CDYL2: variants seen among roughly 807,000 people sequenced by gnomAD.
CDYL2 encodes chromodomain Y like 2, also known as chromodomain Y-like protein 2.
A neutral mutation model predicts 49.4 loss-of-function variants in CDYL2; 23 were observed. That is an observed-to-expected ratio of 0.47 (90% confidence interval 0.34 to 0.66). The LOEUF is 0.66. CDYL2 is among the 30% of genes least tolerant of loss of function. CDYL2 has a pLI of 0.01. For missense variants in CDYL2, 678 were observed against 656.4 expected, an observed-to-expected ratio of 1.03 and a Z score of -0.36; for synonymous variants, 360 against 268.8, an observed-to-expected ratio of 1.34 and a Z score of -3.32.
intron 1 of CDYL2, among the ~76,000 whole-genome samples, chr16:80,779,364 G>A (rs949952956): frequency 7.3e-5 from 11 of 151,204 alleles, no homozygotes; most frequent in Admixed American, 2.6e-4. Context: ...TAAATAATAC[G>A]AGTAGTGCTG....
chr16:80,636,507 G>A (rs28815288), intron 2 of CDYL2, among the ~76,000 whole-genome samples: 9,043 of 152,202 alleles, frequency 0.059, 827 homozygotes, highest in African/African-American at 0.2. Context: ...ACAATGAGAT[G>A]CCATCTCACG....
chr16:80,707,588 A>C (rs960118711), intron 1 of CDYL2, among the ~76,000 whole-genome samples: 5 of 152,212 alleles, frequency 3.3e-5, no homozygotes, highest in African/African-American at 1.2e-4. Context: ...CAGAGCATCA[A>C]ATGGGTCAGA....
intron 1 of CDYL2, among the ~76,000 whole-genome samples, chr16:80,795,895 A>G (rs1295586191): frequency 2.6e-5 from 4 of 152,262 alleles, no homozygotes; most frequent in African/African-American, 9.6e-5. Flanking sequence ...AGACTGAAAC[A>G]GAAGAAGAGT....
chr16:80,629,534 C>A (rs991556831), intron 3 of CDYL2, among the ~76,000 whole-genome samples: 1 of 152,146 alleles, frequency 6.6e-6, no homozygotes, highest in Non-Finnish European at 1.5e-5. Flanking sequence ...GGAGTCTTCT[C>A]CCAATGGGGA....
chr16:80,785,829 C>A (rs1196416950), intron 1 of CDYL2, among the ~76,000 whole-genome samples: 2 of 152,192 alleles, frequency 1.3e-5, no homozygotes, highest in African/African-American at 2.4e-5. Flanking sequence ...GTCATCCGAT[C>A]TTTGACCAAC....
intron 1 of CDYL2, among the ~76,000 whole-genome samples, chr16:80,737,217 C>T (rs1905567302): frequency 6.6e-6 from 1 of 152,162 alleles, no homozygotes; most frequent in Non-Finnish European, 1.5e-5. Flanking sequence ...TGCTGTTCCA[C>T]AGGATGTTGA....
At chr16:80,658,187 G>C in intron 2 of CDYL2, among the ~76,000 whole-genome samples, 1 of 151,924 alleles carries the variant, frequency 6.6e-6, no homozygotes, top group Middle Eastern at 3.4e-3. Context: ...GGAAAATTGA[G>C]TAAAAGGGAT....
intron 1 of CDYL2, among the ~76,000 whole-genome samples, chr16:80,741,216 T>C (rs1464126455): frequency 4.0e-5 from 6 of 150,846 alleles, no homozygotes; most frequent in Non-Finnish European, 8.9e-5. Flanking sequence ...TTATATATAA[T>C]AAAATGGTAT....
chr16:80,633,606 A>G (rs576330425), intron 2 of CDYL2, among the ~76,000 whole-genome samples: 6 of 152,342 alleles, frequency 3.9e-5, no homozygotes, highest in African/African-American at 1.4e-4. Context: ...AATAAGAGCA[A>G]GACCAGCAGC....
At chr16:80,704,423 C>T (rs1904334458) in intron 1 of CDYL2, among the ~76,000 whole-genome samples, 1 of 152,246 alleles carries the variant, frequency 6.6e-6, no homozygotes, top group South Asian at 2.1e-4. Flanking sequence ...ACCAGAGGTG[C>T]AACGGTGAAT....
intron 4 of CDYL2, among the ~76,000 whole-genome samples, chr16:80,618,820 G>A (rs1327748033): frequency 1.3e-5 from 2 of 152,356 alleles, no homozygotes; most frequent in Admixed American, 6.5e-5. Flanking sequence ...AGGACGTTGG[G>A]CAGAGGTCAG....
chr16:80,763,771 G>A (rs1906620787), intron 1 of CDYL2, among the ~76,000 whole-genome samples: 1 of 152,218 alleles, frequency 6.6e-6, no homozygotes, highest in South Asian at 2.1e-4. Context: ...CTCACCAAAT[G>A]TTTACTGAAG....
chr16:80,719,510 C>T (rs1033465632), intron 1 of CDYL2, among the ~76,000 whole-genome samples: 30 of 152,168 alleles, frequency 2.0e-4, no homozygotes, highest in Non-Finnish European at 1.2e-4. Context: ...CAAGACCCCT[C>T]GTCATTTGTG....
At chr16:80,666,512 G>C (rs2142443584) in intron 2 of CDYL2, among the ~76,000 whole-genome samples, 1 of 152,272 alleles carries the variant, frequency 6.6e-6, no homozygotes, top group Admixed American at 6.5e-5. Flanking sequence ...TTTATTAAGA[G>C]TCTACTGTGG....
At chr16:80,626,393 G>A (rs181984000) in intron 3 of CDYL2, among the ~76,000 whole-genome samples, 366 of 152,056 alleles carry the variant, frequency 2.4e-3, no homozygotes, top group African/African-American at 8.3e-3. Flanking sequence ...TTGGTATGGC[G>A]TACAACTGTA....
intron 1 of CDYL2, among the ~76,000 whole-genome samples, chr16:80,686,987 C>A (rs536822331): frequency 1.1e-4 from 16 of 152,318 alleles, no homozygotes; most frequent in African/African-American, 3.6e-4. Context: ...CCTAACTAAT[C>A]CAATATCCAA....
chr16:80,659,051 TGATGGATGGATG>T (rs57221086), intron 2 of CDYL2, among the ~76,000 whole-genome samples: 13,454 of 149,892 alleles, frequency 0.09, 589 homozygotes, highest in Non-Finnish European at 0.1. Flanking sequence ...ACGATAGAGG[TGATGGATGGATG>T]GATGGATGGA....
At chr16:80,610,484 T>C (rs1036314702) in intron 5 of CDYL2, among the ~76,000 whole-genome samples, 1 of 152,294 alleles carries the variant, frequency 6.6e-6, no homozygotes, top group African/African-American at 2.4e-5. Flanking sequence ...TGCTCTCTTT[T>C]GAAGAGGGAA....
At chr16:80,766,852 A>C (rs1348138198) in intron 1 of CDYL2, among the ~76,000 whole-genome samples, 1 of 152,326 alleles carries the variant, frequency 6.6e-6, no homozygotes, top group East Asian at 1.9e-4. Flanking sequence ...TGCAGGTGTA[A>C]ATCACAACAA....
Sources: gnomAD v4.1 joint callset for allele counts (sites outside exome capture counted in the v4.1 genomes callset) on GRCh38, gnomAD v4.1.1 for gene constraint, MANE v1.5 for transcripts, NCBI Gene and HGNC (gene_info 2026-07-23, HGNC 2026-07-21) for gene names.